The following CAMSAP2 variants were observed in gnomAD, a reference collection of about 807,000 sequenced individuals.
CAMSAP2 encodes the protein calmodulin regulated spectrin associated protein family member 2, also known as calmodulin-regulated spectrin-associated protein 2.
Under a neutral mutation model 146.1 loss-of-function variants are expected in CAMSAP2, and 26 were observed. The ratio of observed to expected loss-of-function variants is 0.18; its 90% CI spans 0.13 to 0.25. The LOEUF (loss-of-function observed/expected upper bound fraction) is 0.25, where lower values mean the gene tolerates loss of function less well. Among genes scored for constraint, CAMSAP2 ranks in the 10% least tolerant of loss-of-function variants. The probability of loss-of-function intolerance (pLI) is 1.00; values close to 1 mark genes in which losing one functional copy is unlikely to be tolerated. For synonymous variants in CAMSAP2, 499 were observed against 596.6 expected (o/e 0.84, Z 2.38); for missense variants, 1,381 against 1,759.3 (o/e 0.78, Z 3.85).
At chr1:200,790,980 G>T (rs1032279355) in intron 2 of CAMSAP2, among the ~76,000 whole-genome samples, 2 of 152,088 alleles carry the variant, frequency 1.3e-5, no homozygotes, top group Non-Finnish European at 2.9e-5. Context: ...AAATAGCTGG[G>T]ATTACAGGCA....
chr1:200,796,443 G>T (rs1436630950), intron 2 of CAMSAP2, among the ~76,000 whole-genome samples: 5 of 152,044 alleles, frequency 3.3e-5, no homozygotes, highest in African/African-American at 1.2e-4. Context: ...CTTTGGCTGT[G>T]GTGAGTCCCT....
rs756596879 is a variant in CAMSAP2 at position 200,832,837 on chromosome 1, T to A, written c.919T>A (p.Ser307Thr). Residue 307 changes from serine (S) to threonine (T), a missense_variant, in exon 6 of 17, where the codon TCC (serine) becomes ACC (threonine). Physicochemically the swap from Ser to Thr is moderately conservative, Grantham distance 58. Coordinates refer to ENST00000358823, the MANE Select transcript of CAMSAP2 (RefSeq NM_203459.4). This position sits in a 1 kb window ranked among gnomAD's most constrained non-coding sequence, Gnocchi z 4.2. ...GGAAGATATGCTCTATGCTGCTTCA[T>A]CCATAAAGGTAAATTAAATTATTCT... Reference protein sequence around the residue: ...TLEDMLYAASSIKSNYLVFMA... With the variant: ...TLEDMLYAASTIKSNYLVFMA... The A allele has an allele frequency of 6.4e-7, 1 of 1,562,030 alleles. No homozygotes were observed. The highest frequency in any genetic ancestry group is 1.2e-5 in the South Asian group (1 of 81,912).
intron 6 of CAMSAP2, among the ~76,000 whole-genome samples, chr1:200,834,502 T>A (rs541655624): frequency 6.6e-6 from 1 of 152,264 alleles, no homozygotes; most frequent in Non-Finnish European, 1.5e-5. Context: ...ATCCTCCAGA[T>A]GTTATTTTAG....
intron 11 of CAMSAP2, among the ~76,000 whole-genome samples, chr1:200,851,636 A>C (rs1246877630): frequency 6.6e-6 from 1 of 152,160 alleles, no homozygotes; most frequent in East Asian, 1.9e-4. Flanking sequence ...TCAGAGTTAA[A>C]TCTCTCTCTG....
At chr1:200,771,362 T>C (rs1665111770) in intron 2 of CAMSAP2, among the ~76,000 whole-genome samples, 1 of 152,184 alleles carries the variant, frequency 6.6e-6, no homozygotes, top group South Asian at 2.1e-4. Flanking sequence ...GTAACAAGTT[T>C]TCAAGAACAC....
chr1:200,757,693 G>A (rs927069550), intron 1 of CAMSAP2, among the ~76,000 whole-genome samples: 1 of 151,994 alleles, frequency 6.6e-6, no homozygotes, highest in African/African-American at 2.4e-5. Flanking sequence ...CTTCTCTTAA[G>A]TATATTTAGC....
chr1:200,799,588 GTCTA>G (rs1665982356), intron 2 of CAMSAP2, among the ~76,000 whole-genome samples: 1 of 152,138 alleles, frequency 6.6e-6, no homozygotes, highest in Non-Finnish European at 1.5e-5. Context: ...CTGGCTAGCA[GTCTA>G]TCTATTTTGT....
At chr1:200,796,771 C>G (rs1390254969) in intron 2 of CAMSAP2, among the ~76,000 whole-genome samples, 1 of 151,790 alleles carries the variant, frequency 6.6e-6, no homozygotes, top group Non-Finnish European at 1.5e-5. Context: ...ACTGCACCCA[C>G]TAACTCATCA....
chr1:200,764,848 A>G (rs576216532), intron 2 of CAMSAP2, among the ~76,000 whole-genome samples: 15 of 152,224 alleles, frequency 9.9e-5, no homozygotes, highest in Non-Finnish European at 1.8e-4. Flanking sequence ...ACATACCTGT[A>G]ATCCCAGCAC....
chr1:200,808,126 A>T (rs1454328964), intron 3 of CAMSAP2, among the ~76,000 whole-genome samples: 1 of 152,210 alleles, frequency 6.6e-6, no homozygotes, highest in Non-Finnish European at 1.5e-5. Context: ...TGAACTATAC[A>T]CAGTGGGTGT....
At chr1:200,816,605 A>AAAAAAAAAATAT (rs1364421397) in intron 4 of CAMSAP2, among the ~76,000 whole-genome samples, 1 of 111,214 alleles carries the variant, frequency 9.0e-6, no homozygotes, top group African/African-American at 3.3e-5. Flanking sequence ...AAAAAAAAAA[A>AAAAAAAAAATAT]ATATATATAT....
At chr1:200,820,056 CAA>C (rs762733889) in intron 4 of CAMSAP2, among the ~76,000 whole-genome samples, 387 of 150,000 alleles carry the variant, frequency 2.6e-3, no homozygotes, top group African/African-American at 8.7e-3. Flanking sequence ...TAATGTTTCT[CAA>C]AAAATTTTTT....
Position 200,842,072 on chromosome 1 carries a change from G to T in CAMSAP2, c.1006G>T (p.Val336Phe). ...GCCGTCTTTTGTACAGCCTCGTGTT[G>T]TTCGTCCACAAGGAGGTAATCAATC... ...VKPSFVQPRVVRPQGAEPVKD... is the reference protein window; with the variant it reads ...VKPSFVQPRVFRPQGAEPVKD... Residue 336 changes from valine (V) to phenylalanine (F), a missense_variant, in exon 7 of 17, where the codon GTT becomes TTT. By Grantham distance (50) the Val-to-Phe change is conservative (BLOSUM62 -1). Transcript: ENST00000358823. The T allele has an allele frequency of 1.9e-6, 3 of 1,613,228 alleles. No homozygotes were observed. Among genetic ancestry groups the T allele is most frequent in the Non-Finnish European group, 2.5e-6 (3 of 1,179,316 alleles).
At chr1:200,805,293 A>G (rs894002641) in intron 2 of CAMSAP2, among the ~76,000 whole-genome samples, 3 of 152,226 alleles carry the variant, frequency 2.0e-5, no homozygotes, top group Non-Finnish European at 4.4e-5. Context: ...TCACTTCCTC[A>G]ACCTCCAGAG....
chr1:200,769,371 G>A (rs994402292), intron 2 of CAMSAP2, among the ~76,000 whole-genome samples: 1 of 152,216 alleles, frequency 6.6e-6, no homozygotes, highest in African/African-American at 2.4e-5. Context: ...TAGAAAAAGA[G>A]TTGAAAAGAG....
intron 7 of CAMSAP2, among the ~76,000 whole-genome samples, chr1:200,842,796 T>C (rs2102238007): frequency 6.6e-6 from 1 of 152,044 alleles, no homozygotes; most frequent in East Asian, 1.9e-4. Context: ...GGCAACATGG[T>C]GAAACCCTGT....
At chr1:200,785,820 T>C (rs916665876) in intron 2 of CAMSAP2, among the ~76,000 whole-genome samples, 8 of 152,206 alleles carry the variant, frequency 5.3e-5, no homozygotes, top group African/African-American at 1.9e-4. Context: ...CCCAAGTAGC[T>C]GAGATTAAAG....
chr1:200,822,139 TACACACACACACACAC>T (rs150135269), intron 4 of CAMSAP2, among the ~76,000 whole-genome samples: 3 of 146,230 alleles, frequency 2.1e-5, no homozygotes, highest in Admixed American at 1.4e-4. Flanking sequence ...TCTCTCGCTC[TACACACACACACACAC>T]ACACACACAC....
chr1:200,847,406 TGTG>T lies in CAMSAP2; in HGVS notation c.1192+115_1192+117del, dbSNP rs1473456616. The T allele has an allele frequency of 3.4e-5, 27 of 788,822 alleles. 1 individual carries two copies. Among genetic ancestry groups the T allele is most frequent in the Non-Finnish European group, 2.0e-6 (1 of 498,064 alleles). 48.9% of individuals were successfully genotyped at this position (788,822 alleles called of 1,614,324 possible). On this transcript the variant is annotated intron_variant, in intron 9 of 16. Transcript: ENST00000358823. ...CAGGGTTTTTTTGTGTGTGTGTGTG[TGTG>T]TTTTTTTGTTTGTTTGTTTGTTTTC...
Sources: allele counts gnomAD v4.1 joint callset (sites outside exome capture counted in the v4.1 genomes callset), GRCh38; gene constraint gnomAD v4.1.1; non-coding constraint Gnocchi (gnomAD v3.1); transcripts MANE v1.5; gene names NCBI Gene and HGNC (gene_info 2026-07-23, HGNC 2026-07-21).